Variants in PXDC1 observed in about 807,000 individuals in gnomAD.
The protein encoded by PXDC1 is PX domain containing 1, also known as PX domain-containing protein 1.
A neutral mutation model predicts 24.4 loss-of-function variants in PXDC1; 13 were observed. That is an observed-to-expected ratio of 0.53 (90% CI 0.35 to 0.85). PXDC1 has a LOEUF of 0.85. Among genes scored for constraint, PXDC1 ranks in the 40% least tolerant of loss-of-function variants. The pLI, the probability that PXDC1 is intolerant of heterozygous loss-of-function variation, is 0.01. For synonymous variants in PXDC1, 162 were observed against 124.9 expected, an observed-to-expected ratio of 1.30 and a Z score of -1.98; for missense variants, 344 against 309.3, an observed-to-expected ratio of 1.11 and a Z score of -0.84.
Position 3,723,391 on chromosome 6 carries a change from G to A in PXDC1, c.*228C>T, listed in dbSNP as rs1759983597. The stretch of plus-strand genomic sequence containing the variant: ...AGACCCTCAGAACACAGGCCCTGTG[G>A]CCTCCGGCTGTGACCTCAGCTTGCT... On this transcript the variant is annotated 3_prime_UTR_variant, in exon 5 of 5. Coordinates refer to ENST00000380283, the MANE Select transcript of PXDC1 (RefSeq NM_183373.4). The A allele has an allele frequency of 1.0e-5, 6 of 574,588 alleles. No homozygotes were observed. In the East Asian group the frequency reaches 1.4e-4, roughly 13 times the overall value. 35.6% of individuals were successfully genotyped at this position (574,588 alleles called of 1,614,324 possible).
At position 3,724,380 on chromosome 6, in the gene PXDC1, C is replaced by T. The variant is rs1387739004; in HGVS notation, c.579-644G>A. 2.0e-5 allele frequency among the ~76,000 whole-genome samples: 3 copies of T among 152,074 alleles called. No homozygotes were observed. The highest frequency in any genetic ancestry group is 6.5e-5 in the Admixed American group (1 of 15,268). On this transcript the variant is annotated intron_variant, in intron 4 of 4. Transcript: ENST00000380283. This position sits in a 1 kb window ranked among gnomAD's most constrained non-coding sequence, Gnocchi z 4.5. ...AATACAAACCCCAAACATAAGGGGACGTAAAAGCCCGCGATACTGACTCCC... is the reference window on the plus strand; with the variant it reads ...AATACAAACCCCAAACATAAGGGGATGTAAAAGCCCGCGATACTGACTCCC...
rs372718338 is a variant in PXDC1 at position 3,751,693 on chromosome 6, C to T, written c.-162G>A. Reference sequence around the variant, plus strand: ...TGCGTATGGCCCGCGTTCGGGGCAGCGGGGCGGCGCGGCGGCGAGTGGCTC... The same window carrying T: ...TGCGTATGGCCCGCGTTCGGGGCAGTGGGGCGGCGCGGCGGCGAGTGGCTC... On this transcript the variant is annotated 5_prime_UTR_variant, in exon 1 of 5. Coordinates refer to ENST00000380283, the MANE Select transcript of PXDC1 (RefSeq NM_183373.4). The T allele has an allele frequency of 9.4e-7, 1 of 1,066,812 alleles. No individual in the cohort carries two copies. Among genetic ancestry groups the T allele is most frequent in the East Asian group, 3.7e-5 (1 of 27,322 alleles). The allele number at this position is 1,066,812 out of a possible 1,614,324, so 66.1% of individuals were successfully genotyped here.
At chr6:3,732,472 T>G (rs1369612842) in intron 3 of PXDC1, among the ~76,000 whole-genome samples, 1 of 152,270 alleles carries the variant, frequency 6.6e-6, no homozygotes, top group African/African-American at 2.4e-5. Context: ...TGGTCAGATT[T>G]TGTGGCTGAG....
chr6:3,723,321 C>A lies in PXDC1; in HGVS notation c.*298G>T. The A allele has an allele frequency of 2.5e-6, 1 of 404,616 alleles. No homozygotes were observed. Among genetic ancestry groups the A allele is most frequent in the Non-Finnish European group, 4.5e-6 (1 of 221,704 alleles). 25.1% of individuals were successfully genotyped at this position (404,616 alleles called of 1,614,324 possible). A position where few individuals can be genotyped will look rare whatever the true frequency, so the allele number is the denominator to read the frequency against. On this transcript the variant is annotated 3_prime_UTR_variant, in exon 5 of 5. Transcript: ENST00000380283. ...AGAGCGAGCCCCACAGGAACTGTCC[C>A]TGCCCTGGCAGTGCGCAGCCCTGTG...
At chr6:3,749,516 A>G (rs1291991036) in intron 1 of PXDC1, among the ~76,000 whole-genome samples, 1 of 146,472 alleles carries the variant, frequency 6.8e-6, no homozygotes, top group Non-Finnish European at 1.5e-5. Context: ...GGCGACAGCA[A>G]AAGAGGCGGA....
chr6:3,723,786 C>T, intron 4 of PXDC1, 50 bp from the exon 5 acceptor site: 1 of 1,413,428 alleles, frequency 7.1e-7, no homozygotes, highest in East Asian at 2.3e-5. Context: ...TTGGGATCAA[C>T]ACCAAACACC....
rs888147749 is a variant in PXDC1, at chr6:3,723,617, G to C, written c.*2C>G. On this transcript the variant is annotated 3_prime_UTR_variant, in exon 5 of 5. Transcript: ENST00000380283. ...GAGGCGGGGGAGGCCTGATAGAGAGGTTCAGTCCCAAATGTCTGTCTCGAA... is the reference window on the plus strand; with the variant it reads ...GAGGCGGGGGAGGCCTGATAGAGAGCTTCAGTCCCAAATGTCTGTCTCGAA... The C allele has an allele frequency of 8.7e-6, 14 of 1,607,690 alleles. No individual in the cohort carries two copies. Among genetic ancestry groups the C allele is most frequent in the African/African-American group, 1.3e-5 (1 of 74,902 alleles).
rs559856300 is a variant in PXDC1 at position 3,726,908 on chromosome 6, A to C, written c.578+643T>G. Among the ~76,000 whole-genome samples, 4 of 152,342 alleles carry C rather than the reference A, an allele frequency of 2.6e-5. No individual in the cohort carries two copies. The South Asian group carries it at 8.3e-4, about 32-fold the overall frequency. ...AAGGTAAGAGAAGTCAGGAAAGGTT[A>C]AATAACTTTCTGAGCTCATACAGCC... On this transcript the variant is annotated intron_variant, in intron 4 of 4. Transcript: ENST00000380283.
rs146673240 is a variant in PXDC1, at chr6:3,750,438, G to T, written c.256+838C>A. Reference sequence around the variant, plus strand: ...TTCTCCCCTCCCGGCCCTCCCAGGCGGCCCCTCTCCTCGGCCTGCCCCCTC... The same window carrying T: ...TTCTCCCCTCCCGGCCCTCCCAGGCTGCCCCTCTCCTCGGCCTGCCCCCTC... On this transcript the variant is annotated intron_variant, in intron 1 of 4. Coordinates refer to ENST00000380283, the MANE Select transcript of PXDC1 (RefSeq NM_183373.4). Among the ~76,000 whole-genome samples the T allele has an allele frequency of 3.3e-5, 5 of 151,574 alleles. No homozygotes were observed. In the East Asian group the frequency reaches 9.7e-4, roughly 30 times the overall value.
rs1759990122 is a variant in PXDC1, at chr6:3,723,611, A to C, written c.*8T>G. 4.4e-6 allele frequency: 7 copies of C among 1,598,370 alleles called. No homozygotes were observed. The highest frequency in any genetic ancestry group is 6.0e-6 in the Non-Finnish European group (7 of 1,165,970). ...ACAGCTGAGGCGGGGGAGGCCTGAT[A>C]GAGAGGTTCAGTCCCAAATGTCTGT... On this transcript the variant is annotated 3_prime_UTR_variant, in exon 5 of 5. Transcript: ENST00000380283.
chr6:3,735,712 A>G (rs1236753898), intron 3 of PXDC1, among the ~76,000 whole-genome samples: 4 of 152,210 alleles, frequency 2.6e-5, no homozygotes, highest in Admixed American at 2.0e-4. Context: ...AAGGGTTAAC[A>G]GTACTGCCTT....
intron 1 of PXDC1, 35 bp downstream of exon 1, chr6:3,751,241 G>C: frequency 1.4e-6 from 2 of 1,411,040 alleles, no homozygotes; most frequent in South Asian, 2.9e-5. Context: ...AGGCTGCCTC[G>C]GCCCCGCGCC....
At position 3,737,515 on chromosome 6, in the gene PXDC1, A is replaced by C; in HGVS notation, c.349-319T>G. 2 of 242,134 alleles carry C rather than the reference A, an allele frequency of 8.3e-6. No individual in the cohort carries two copies. Among genetic ancestry groups the C allele is most frequent in the Non-Finnish European group, 1.3e-5 (2 of 150,578 alleles). 15.0% of individuals were successfully genotyped at this position (242,134 alleles called of 1,614,324 possible). ...ACTGTAGGCTGTGTCCACTCTCCCC[A>C]CTGGCCAGAAAGAAAGGGAAGCTTC... On this transcript the variant is annotated intron_variant, in intron 2 of 4. Coordinates refer to ENST00000380283, the MANE Select transcript of PXDC1 (RefSeq NM_183373.4). The surrounding 1 kb of genome is among the most constrained non-coding windows in gnomAD (Gnocchi z 5.5).
At chr6:3,750,622 C>G (rs1488605981) in intron 1 of PXDC1, among the ~76,000 whole-genome samples, 1 of 152,244 alleles carries the variant, frequency 6.6e-6, no homozygotes, top group Non-Finnish European at 1.5e-5. Flanking sequence ...CGAGCCAGGA[C>G]GGTCACGAGG....
chr6:3,724,220 G>C lies in PXDC1; in HGVS notation c.579-484C>G, dbSNP rs368068429. Among the ~76,000 whole-genome samples the C allele has an allele frequency of 1.8e-3, 277 of 152,314 alleles. 3 individuals are homozygous for C. The highest frequency in any genetic ancestry group is 6.4e-3 in the African/African-American group (265 of 41,574). On this transcript the variant is annotated intron_variant, in intron 4 of 4. Transcript: ENST00000380283. The surrounding 1 kb of genome is among the most constrained non-coding windows in gnomAD (Gnocchi z 4.5). ...CAGGAGGCTGGAGAAGAGCCGGCGA[G>C]GCCCGTGGAGGTCACGGGGGGAGAC... is the stretch of plus-strand genomic sequence containing the variant.
chr6:3,744,509 G>A (rs914544117), intron 1 of PXDC1, among the ~76,000 whole-genome samples: 39 of 152,210 alleles, frequency 2.6e-4, no homozygotes, highest in Non-Finnish European at 4.3e-4. Context: ...AAGGGTGAAA[G>A]GGGTTGGGGA....
At chr6:3,750,642 A>C (rs915806888) in intron 1 of PXDC1, among the ~76,000 whole-genome samples, 7 of 152,134 alleles carry the variant, frequency 4.6e-5, no homozygotes, top group African/African-American at 1.7e-4. Context: ...GCCGGGGAGG[A>C]GGCGGCGCAG....
rs1370489155 is a variant in PXDC1, at chr6:3,725,299, G to A, written c.579-1563C>T. 1.3e-5 allele frequency among the ~76,000 whole-genome samples: 2 copies of A among 152,136 alleles called. No individual in the cohort carries two copies. The highest frequency in any genetic ancestry group is 2.9e-5 in the Non-Finnish European group (2 of 68,020). ...GAGGGAGGGGGACCGGGATGCTCAGGGAAAATGAGTCATGGGGCTAAGGCT... is the reference window on the plus strand; with the variant it reads ...GAGGGAGGGGGACCGGGATGCTCAGAGAAAATGAGTCATGGGGCTAAGGCT... On this transcript the variant is annotated intron_variant, in intron 4 of 4. Transcript: ENST00000380283. This position sits in a 1 kb window ranked among gnomAD's most constrained non-coding sequence, Gnocchi z 4.8.
Position 3,751,329 on chromosome 6 carries a change from C to A in PXDC1, c.203G>T (p.Arg68Leu). The stretch of plus-strand genomic sequence containing the variant: ...GGACCGGTCCTCGGGAAAGGCGTCG[C>A]GCAGGCGCTGCCACAGGCGGCCCAG... ...ADLGRLWQRL[R>L]DAFPEDRSEL... The change falls in exon 1 of 5, where the codon CGC becomes CTC. Residue 68 changes from arginine to leucine, a missense_variant. Physicochemically the swap from Arg to Leu is moderately radical, Grantham distance 102. Transcript: ENST00000380283. 6.4e-7 allele frequency: 1 copy of A among 1,550,738 alleles called. No homozygotes were observed. The highest frequency in any genetic ancestry group is 8.7e-7 in the Non-Finnish European group (1 of 1,152,340).
Sources: allele counts gnomAD v4.1 joint callset (sites outside exome capture counted in the v4.1 genomes callset), GRCh38; gene constraint gnomAD v4.1.1; non-coding constraint Gnocchi (gnomAD v3.1); transcripts MANE v1.5; gene names NCBI Gene and HGNC (gene_info 2026-07-23, HGNC 2026-07-21).